The following KIRREL3 variants were observed in gnomAD, a reference collection of about 807,000 sequenced individuals.
KIRREL3 encodes kin of IRRE-like protein 3.
Under a neutral mutation model 89.7 loss-of-function variants are expected in KIRREL3, and 36 were observed. That is an observed-to-expected ratio of 0.40 (90% CI 0.31 to 0.53). The LOEUF (loss-of-function observed/expected upper bound fraction) is 0.53. Ranked by LOEUF, KIRREL3 falls within the 20% of genes least tolerant of loss-of-function variation. KIRREL3 has a pLI of 0.49. For missense variants in KIRREL3, 864 were observed against 1,056.6 expected, an observed-to-expected ratio of 0.82 and a Z score of 2.53; for synonymous variants, 445 against 441.4, an observed-to-expected ratio of 1.01 and a Z score of -0.10.
intron 1 of KIRREL3, among the ~76,000 whole-genome samples, chr11:126,893,977 G>A (rs927123884): frequency 6.6e-6 from 1 of 152,184 alleles, no homozygotes; most frequent in African/African-American, 2.4e-5. Flanking sequence ...AGATGTGGCT[G>A]TAGATAATGA....
intron 1 of KIRREL3, among the ~76,000 whole-genome samples, chr11:126,777,430 A>G (rs756970494): frequency 8.5e-5 from 13 of 152,164 alleles, no homozygotes; most frequent in Non-Finnish European, 1.9e-4. Context: ...TGTAGGTTGG[A>G]GCCAGGCAGA....
Position 126,623,928 on chromosome 11 carries a change from A to T in KIRREL3, c.56-61016T>A, listed in dbSNP as rs1943675257. On this transcript the variant is annotated intron_variant, in intron 1 of 16. Coordinates refer to ENST00000525144, the MANE Select transcript of KIRREL3 (RefSeq NM_032531.4). This position sits in a 1 kb window ranked among gnomAD's most constrained non-coding sequence, Gnocchi z 4.1. Reference sequence around the variant, plus strand: ...ACCTCTTTTTATTCATTGAGAAAGTAACGGTGAGCAGTTTTGTGAATTCTG... The same window carrying T: ...ACCTCTTTTTATTCATTGAGAAAGTTACGGTGAGCAGTTTTGTGAATTCTG... Among the ~76,000 whole-genome samples, 1 of 152,172 alleles carries T rather than the reference A, an allele frequency of 6.6e-6. No individual in the cohort carries two copies. Among genetic ancestry groups the T allele is most frequent in the Non-Finnish European group, 1.5e-5 (1 of 68,032 alleles).
At chr11:126,631,286 G>A (rs187225185) in intron 1 of KIRREL3, among the ~76,000 whole-genome samples, 4 of 152,250 alleles carry the variant, frequency 2.6e-5, no homozygotes, top group East Asian at 3.9e-4. Context: ...TGAGGAAACC[G>A]GGTCAAAGAG....
chr11:126,789,677 C>T (rs1696360162), intron 1 of KIRREL3, among the ~76,000 whole-genome samples: 1 of 152,194 alleles, frequency 6.6e-6, no homozygotes, highest in Admixed American at 6.5e-5. Flanking sequence ...GGAAGCATTC[C>T]ACCACAGTGG....
intron 1 of KIRREL3, among the ~76,000 whole-genome samples, chr11:126,846,997 T>C (rs1180938410): frequency 1.3e-5 from 2 of 152,176 alleles, no homozygotes; most frequent in Non-Finnish European, 2.9e-5. Context: ...AACCTGCCTA[T>C]AATCTGCTCT....
At chr11:126,493,096 T>A (rs1243058316) in intron 4 of KIRREL3, among the ~76,000 whole-genome samples, 1 of 152,130 alleles carries the variant, frequency 6.6e-6, no homozygotes, top group East Asian at 1.9e-4. Flanking sequence ...GGCAGTGAGG[T>A]AGGCAGAGTA....
At chr11:126,511,164 C>T (rs1252152018) in intron 4 of KIRREL3, among the ~76,000 whole-genome samples, 1 of 151,790 alleles carries the variant, frequency 6.6e-6, no homozygotes, top group Non-Finnish European at 1.5e-5. Context: ...GGAGTGGTTT[C>T]AAGAGCTACA....
In KIRREL3 at chr11:126,773,479, A is replaced by G. The variant is rs1425489948; in HGVS notation, c.56-210567T>C. ...ACCAGTCTCCATCGTTGTGTGAGCC[A>G]GTCCCTTAAAATAAATCTGTCTTTC... is the stretch of plus-strand genomic sequence containing the variant. On this transcript the variant is annotated intron_variant, in intron 1 of 16. Coordinates refer to ENST00000525144, the MANE Select transcript of KIRREL3 (RefSeq NM_032531.4). The surrounding 1 kb of genome is among the most constrained non-coding windows in gnomAD (Gnocchi z 4.2). 1.3e-5 allele frequency among the ~76,000 whole-genome samples: 2 copies of G among 152,242 alleles called. No homozygotes were observed. Among genetic ancestry groups the G allele is most frequent in the African/African-American group, 4.8e-5 (2 of 41,464 alleles).
intron 1 of KIRREL3, among the ~76,000 whole-genome samples, chr11:126,819,212 G>T (rs1244970403): frequency 6.6e-6 from 1 of 152,276 alleles, no homozygotes; most frequent in East Asian, 1.9e-4. Context: ...CGACGGTCCG[G>T]TCAGCCAGGC....
chr11:126,930,930 C>T (rs563919041), intron 1 of KIRREL3, among the ~76,000 whole-genome samples: 13 of 152,194 alleles, frequency 8.5e-5, no homozygotes, highest in Non-Finnish European at 8.8e-5. Flanking sequence ...CTATCCTGAA[C>T]GACCTGGATT....
rs545770756 is a variant in KIRREL3 at position 126,970,239 on chromosome 11, A to G, written c.55+30216T>C. 2.0e-5 allele frequency among the ~76,000 whole-genome samples: 3 copies of G among 152,140 alleles called. No homozygotes were observed. Among genetic ancestry groups the G allele is most frequent in the Admixed American group, 2.0e-4 (3 of 15,284 alleles). On this transcript the variant is annotated intron_variant, in intron 1 of 16. Transcript: ENST00000525144. This position sits in a 1 kb window ranked among gnomAD's most constrained non-coding sequence, Gnocchi z 4.4. ...CTCTTGTTTCCCCGTATTTTTACTC[A>G]TTTCCTTTGGTTTCCTTTTTGTTTT... is the stretch of plus-strand genomic sequence containing the variant.
In KIRREL3 at chr11:126,523,584, G is replaced by A. The variant is rs562324090; in HGVS notation, c.284-2120C>T. On this transcript the variant is annotated intron_variant, in intron 3 of 16. Transcript: ENST00000525144. The surrounding 1 kb of genome is among the most constrained non-coding windows in gnomAD (Gnocchi z 4.9). ...AAGGCCATCAGCTGCACCCCTGAGA[G>A]CACTGCCTCTCCTCCTGCCCACACT... Among the ~76,000 whole-genome samples the A allele has an allele frequency of 2.2e-5, 3 of 139,470 alleles. No individual in the cohort carries two copies. The East Asian group carries it at 5.8e-4, about 27-fold the overall frequency. 91.5% of individuals were successfully genotyped at this position (139,470 alleles called of 152,430 possible).
intron 7 of KIRREL3, among the ~76,000 whole-genome samples, chr11:126,449,801 C>G (rs1056381222): frequency 3.3e-5 from 5 of 152,228 alleles, no homozygotes; most frequent in African/African-American, 1.2e-4. Context: ...GCTCTCCTGT[C>G]CTGTTCTGCC....
chr11:126,597,617 G>A (rs766060074), intron 1 of KIRREL3, among the ~76,000 whole-genome samples: 19 of 152,070 alleles, frequency 1.2e-4, no homozygotes, highest in African/African-American at 1.9e-4. Context: ...AAACTATTTC[G>A]GTCTCAAAGG....
At chr11:126,944,652 C>G (rs79544719) in intron 1 of KIRREL3, among the ~76,000 whole-genome samples, 1 of 152,224 alleles carries the variant, frequency 6.6e-6, no homozygotes, top group East Asian at 1.9e-4. Context: ...CAAGGAAGCC[C>G]AAGTGAGGCT....
At chr11:126,673,106 A>C (rs1427622798) in intron 1 of KIRREL3, among the ~76,000 whole-genome samples, 1 of 152,234 alleles carries the variant, frequency 6.6e-6, no homozygotes, top group Non-Finnish European at 1.5e-5. Flanking sequence ...TAGGATAACC[A>C]AATGAAAAGC....
In KIRREL3 at chr11:126,837,759, C is replaced by T. The variant is rs1400682260; in HGVS notation, c.55+162696G>A. ...GTGATTAAAGGTGATTTTGTCAAAG[C>T]ATAACACTACCTCTCACAATGGAAG... On this transcript the variant is annotated intron_variant, in intron 1 of 16. Transcript: ENST00000525144. This position sits in a 1 kb window ranked among gnomAD's most constrained non-coding sequence, Gnocchi z 4.7. Among the ~76,000 whole-genome samples, 1 of 152,196 alleles carries T rather than the reference C, an allele frequency of 6.6e-6. No homozygotes were observed. Among genetic ancestry groups the T allele is most frequent in the Non-Finnish European group, 1.5e-5 (1 of 68,034 alleles).
intron 5 of KIRREL3, among the ~76,000 whole-genome samples, chr11:126,467,238 G>A (rs1956754519): frequency 6.6e-6 from 1 of 152,208 alleles, no homozygotes; most frequent in Admixed American, 6.5e-5. Flanking sequence ...CCTCAGGGCT[G>A]TGCACCCACC....
At chr11:126,617,961 G>A (rs1435399023) in intron 1 of KIRREL3, among the ~76,000 whole-genome samples, 1 of 152,224 alleles carries the variant, frequency 6.6e-6, no homozygotes, top group Non-Finnish European at 1.5e-5. Context: ...ATGTTCAGTT[G>A]TGATCCTCAA....
Sources: gnomAD v4.1 joint callset for allele counts (sites outside exome capture counted in the v4.1 genomes callset) on GRCh38, gnomAD v4.1.1 for gene constraint, Gnocchi (gnomAD v3.1) non-coding constraint, MANE v1.5 for transcripts, NCBI Gene and HGNC (gene_info 2026-07-23, HGNC 2026-07-21) for gene names.